The following XKR9 variants were observed in gnomAD, a reference collection of about 807,000 sequenced individuals.
The protein encoded by XKR9 is XK related 9.
In XKR9, 32 loss-of-function variants were observed where a neutral mutation model predicts 32.0. That is an observed-to-expected ratio of 1.00 (90% CI 0.76 to 1.34). The LOEUF (loss-of-function observed/expected upper bound fraction) is 1.34, where lower values mean the gene tolerates loss of function less well. Ranked by LOEUF, XKR9 falls within the 40% of genes most tolerant of loss-of-function variation. The pLI is 0.00. For synonymous variants in XKR9, 168 were observed against 143.4 expected, an observed-to-expected ratio of 1.17 and a Z score of -1.22; for missense variants, 546 against 429.7, an observed-to-expected ratio of 1.27 and a Z score of -2.39.
the XKR9 span, among the ~76,000 whole-genome samples, chr8:70,823,639 G>A: frequency 6.4e-3 from 981 of 152,274 alleles, 20 homozygotes; most frequent in African/African-American, 0.022. Context: ...CGAACTTTTG[G>A]TAAGAGAAAA....
the XKR9 span, among the ~76,000 whole-genome samples, chr8:70,908,928 C>A: frequency 6.6e-6 from 1 of 152,100 alleles, no homozygotes; most frequent in African/African-American, 2.4e-5. Flanking sequence ...AAGTTCCTTG[C>A]CTTAACTCTG....
intron 3 of XKR9, among the ~76,000 whole-genome samples, chr8:70,693,615 G>C (rs1805153370): frequency 6.6e-6 from 1 of 152,130 alleles, no homozygotes; most frequent in African/African-American, 2.4e-5. Flanking sequence ...TGTGGCCAAG[G>C]GTCATTTGCT....
At chr8:70,938,951 G>C in the XKR9 span, among the ~76,000 whole-genome samples, 1 of 149,220 alleles carries the variant, frequency 6.7e-6, no homozygotes, top group Non-Finnish European at 1.5e-5. Context: ...AAAAGAGTTA[G>C]GTTTTAGGTT....
At chr8:70,700,135 C>T (rs1805464337) in intron 3 of XKR9, among the ~76,000 whole-genome samples, 1 of 152,138 alleles carries the variant, frequency 6.6e-6, no homozygotes, top group Admixed American at 6.5e-5. Context: ...GAATTTCCTC[C>T]TGTAGGTCAG....
At chr8:70,685,447 T>C (rs1273491944) in intron 3 of XKR9, among the ~76,000 whole-genome samples, 12 of 148,060 alleles carry the variant, frequency 8.1e-5, no homozygotes, top group Admixed American at 6.8e-5. Flanking sequence ...TATACATATG[T>C]AACTAACCTG....
At chr8:70,762,195 C>A (rs965476502) in intron 2 of XKR9, among the ~76,000 whole-genome samples, 1 of 151,796 alleles carries the variant, frequency 6.6e-6, no homozygotes, top group East Asian at 1.9e-4. Context: ...TTTTTTGGTT[C>A]CATATGAATT....
the XKR9 span, among the ~76,000 whole-genome samples, chr8:70,837,179 T>C: frequency 6.6e-6 from 1 of 152,082 alleles, no homozygotes; most frequent in Non-Finnish European, 1.5e-5. Flanking sequence ...ATTACATACA[T>C]GTCTGTTTCT....
intron 2 of XKR9, among the ~76,000 whole-genome samples, chr8:70,755,152 GA>G (rs1807201592): frequency 6.6e-6 from 1 of 152,190 alleles, no homozygotes; most frequent in Non-Finnish European, 1.5e-5. Flanking sequence ...AAAGACACAT[GA>G]AAAAATGCTC....
chr8:70,794,287 C>T (rs1407353401), downstream of XKR9, among the ~76,000 whole-genome samples: 1 of 152,000 alleles, frequency 6.6e-6, no homozygotes, highest in Non-Finnish European at 1.5e-5. Context: ...TAAGATCATG[C>T]CATCTACCTA....
chr8:70,851,840 A>G, the XKR9 span, among the ~76,000 whole-genome samples: 3 of 152,190 alleles, frequency 2.0e-5, no homozygotes, highest in Non-Finnish European at 2.9e-5. Flanking sequence ...CTAGAAGAAA[A>G]CCTAGGCTAT....
rs1807709183 is a variant in XKR9, at chr8:70,787,869, A to G, written n.353-1470A>G. 2.0e-5 allele frequency among the ~76,000 whole-genome samples: 3 copies of G among 152,098 alleles called. No homozygotes were observed. In the South Asian group the frequency reaches 6.2e-4, roughly 31 times the overall value. On this transcript the variant is annotated intron_variant and non_coding_transcript_variant, in intron 2 of 3. Transcript: ENST00000520273. The stretch of plus-strand genomic sequence containing the variant: ...TTTTTAGTGAAAGGATTATTAAGGT[A>G]TTTGGTCAAGGCTGAAATAAAACAT...
At chr8:71,035,221 G>T in the XKR9 span, among the ~76,000 whole-genome samples, 1 of 152,148 alleles carries the variant, frequency 6.6e-6, no homozygotes, top group African/African-American at 2.4e-5. Flanking sequence ...GTACATTGAA[G>T]AACTAATGTA....
At chr8:70,806,493 C>T in the XKR9 span, among the ~76,000 whole-genome samples, 1 of 152,114 alleles carries the variant, frequency 6.6e-6, no homozygotes, top group Non-Finnish European at 1.5e-5. Flanking sequence ...CAAGTTCTAA[C>T]CCAATGCAAA....
At chr8:70,873,048 G>C in the XKR9 span, among the ~76,000 whole-genome samples, 1 of 152,146 alleles carries the variant, frequency 6.6e-6, no homozygotes, top group African/African-American at 2.4e-5. Context: ...GACTCTGCCT[G>C]TGCTCTAGAA....
chr8:70,959,883 A>C, the XKR9 span, among the ~76,000 whole-genome samples: 1 of 152,188 alleles, frequency 6.6e-6, no homozygotes, highest in South Asian at 2.1e-4. Context: ...AAAAATAAGT[A>C]TGTGGTTTAA....
At chr8:70,819,564 T>C in the XKR9 span, among the ~76,000 whole-genome samples, 2 of 152,220 alleles carry the variant, frequency 1.3e-5, no homozygotes, top group Non-Finnish European at 2.9e-5. Flanking sequence ...ATTTGAGGAC[T>C]TCAGACAAGT....
At chr8:70,876,546 T>G in the XKR9 span, among the ~76,000 whole-genome samples, 4 of 152,098 alleles carry the variant, frequency 2.6e-5, no homozygotes, top group Admixed American at 2.0e-4. Context: ...CTTTTATTAA[T>G]AAAAATCTCT....
the XKR9 span, among the ~76,000 whole-genome samples, chr8:70,906,458 A>G: frequency 3.9e-5 from 6 of 152,242 alleles, no homozygotes; most frequent in African/African-American, 1.2e-4. Flanking sequence ...ATTGTAACAC[A>G]TTAGCTTCTG....
At chr8:70,687,865 A>G (rs918252142) in intron 3 of XKR9, among the ~76,000 whole-genome samples, 1 of 151,034 alleles carries the variant, frequency 6.6e-6, no homozygotes, top group Non-Finnish European at 1.5e-5. Context: ...TTATTGTCTA[A>G]CATATGGTCC....
Sources: allele counts gnomAD v4.1 joint callset (sites outside exome capture counted in the v4.1 genomes callset), GRCh38; gene constraint gnomAD v4.1.1; transcripts MANE v1.5; gene names NCBI Gene and HGNC (gene_info 2026-07-23, HGNC 2026-07-21).